Variants in THNSL1 observed in about 807,000 individuals in gnomAD.
THNSL1 encodes the protein threonine synthase-like 1.
THNSL1 carries 48 observed loss-of-function variants against 50.4 expected under a neutral mutation model. The observed-to-expected ratio is 0.95, with a 90% CI of 0.76 to 1.21. The LOEUF is 1.21. Among genes scored for constraint, THNSL1 ranks in the 50% most tolerant of loss-of-function variants. THNSL1 has a pLI of 0.00. For missense variants in THNSL1, 896 were observed against 871.7 expected (o/e 1.03, Z -0.35); for synonymous variants, 309 against 306.1 (o/e 1.01, Z -0.10).
At chr10:24,972,537 T>C in the THNSL1 span, among the ~76,000 whole-genome samples, 2 of 151,374 alleles carry the variant, frequency 1.3e-5, no homozygotes, top group Non-Finnish European at 2.9e-5. Flanking sequence ...ATAATAATAA[T>C]AATTGCACTA....
Position 25,025,056 on chromosome 10 carries a change from G to T in THNSL1, c.1833G>T (p.Gln611His). 2 of 1,614,192 alleles carry T rather than the reference G, an allele frequency of 1.2e-6. No individual in the cohort carries two copies. The highest frequency in any genetic ancestry group is 1.7e-6 in the Non-Finnish European group (2 of 1,180,034). ...AAAAGGCTCTAGTTGAGAAACTTCAGCAGGATTTTGTAGCTGACTGGTGCT... is the reference window on the plus strand; with the variant it reads ...AAAAGGCTCTAGTTGAGAAACTTCATCAGGATTTTGTAGCTGACTGGTGCT... ...QIEKALVEKLQQDFVADWCSE... is the reference protein window; with the variant it reads ...QIEKALVEKLHQDFVADWCSE... Residue 611 changes from glutamine (Q) to histidine (H), a missense_variant, in exon 3 of 3, where the codon CAG (glutamine) becomes CAT (histidine). Physicochemically the swap from Gln to His is conservative, Grantham distance 24 (BLOSUM62 0). Coordinates refer to ENST00000376356, the MANE Select transcript of THNSL1 (RefSeq NM_024838.5).
chr10:24,967,740 T>C, the THNSL1 span, among the ~76,000 whole-genome samples: 1,381 of 151,762 alleles, frequency 9.1e-3, 3 homozygotes, highest in Non-Finnish European at 0.015. Flanking sequence ...GTATGATGTG[T>C]GTATGTATGA....
upstream of THNSL1, chr10:25,016,217 T>C (rs1398927376): frequency 1.4e-5 from 16 of 1,124,708 alleles, no homozygotes; most frequent in Non-Finnish European, 1.7e-5. Context: ...CACCGCAAAC[T>C]AGGTCTCCCC....
chr10:24,978,932 C>T, the THNSL1 span, among the ~76,000 whole-genome samples: 1 of 152,158 alleles, frequency 6.6e-6, no homozygotes, highest in Non-Finnish European at 1.5e-5. Context: ...CCAAAAGTTA[C>T]ATAACTTGCT....
chr10:24,952,502 C>T, the THNSL1 span: 1 of 1,574,210 alleles, frequency 6.4e-7, no homozygotes, highest in Non-Finnish European at 8.6e-7. This position sits in a 1 kb window ranked among gnomAD's most constrained non-coding sequence, Gnocchi z 5.1. Flanking sequence ...GCGGGCCGAG[C>T]CCCAAAATAG....
the THNSL1 span, among the ~76,000 whole-genome samples, chr10:24,977,560 A>G: frequency 6.6e-6 from 1 of 152,212 alleles, no homozygotes; most frequent in Admixed American, 6.5e-5. Flanking sequence ...GTACTGGTGA[A>G]GTTTATTATA....
chr10:24,992,898 TGAAG>T, the THNSL1 span, among the ~76,000 whole-genome samples: 1 of 152,206 alleles, frequency 6.6e-6, no homozygotes, highest in Non-Finnish European at 1.5e-5. Context: ...CAGGAAACAC[TGAAG>T]GAAACACCTC....
At chr10:24,994,395 G>A in the THNSL1 span, among the ~76,000 whole-genome samples, 3 of 148,530 alleles carry the variant, frequency 2.0e-5, no homozygotes, top group Admixed American at 1.3e-4. Context: ...GTGCAGTGAC[G>A]CGACCTTGGC....
chr10:24,994,444 G>A, the THNSL1 span, among the ~76,000 whole-genome samples: 8 of 150,420 alleles, frequency 5.3e-5, no homozygotes, highest in Non-Finnish European at 1.0e-4. Context: ...AGCGATTCTC[G>A]TGCCTTAGCC....
chr10:24,973,571 C>T, the THNSL1 span, among the ~76,000 whole-genome samples: 12 of 151,894 alleles, frequency 7.9e-5, no homozygotes, highest in Non-Finnish European at 1.5e-4. Context: ...ACTACTGTAC[C>T]ACTGTACCTT....
Position 25,024,061 on chromosome 10 carries a change from TG to T in THNSL1, c.840del (p.Trp280Ter). ...GTTTCCAAAATTAAGCTGCGGGGAG[TG>T]GAAAAGCCTAGTAGGAGCAACCTAC... ...KEFPKLSCGE[W>X]KSLVGATYVE... On this transcript the variant is annotated frameshift_variant, in exon 3 of 3. Coordinates refer to ENST00000376356, the MANE Select transcript of THNSL1 (RefSeq NM_024838.5). LOFTEE classifies it high-confidence loss of function. 1 of 1,613,932 alleles carries T rather than the reference TG, an allele frequency of 6.2e-7. No individual in the cohort carries two copies. Among genetic ancestry groups the T allele is most frequent in the Non-Finnish European group, 8.5e-7 (1 of 1,179,978 alleles).
intron 1 of THNSL1, among the ~76,000 whole-genome samples, chr10:25,020,246 A>ATATCTATATCTATATCTG: frequency 7.4e-6 from 1 of 134,706 alleles, no homozygotes; most frequent in African/African-American, 2.5e-5. Flanking sequence ...AAATATATCT[A>ATATCTATATCTATATCTG]TATCTATATC....
chr10:25,024,947 A>G lies in THNSL1; in HGVS notation c.1724A>G (p.His575Arg), dbSNP rs565199033. The change falls in exon 3 of 3, where the codon CAT (histidine) becomes CGT (arginine). Residue 575 changes from histidine (H) to arginine (R), a missense_variant. By Grantham distance (29) the His-to-Arg change is conservative (BLOSUM62 0). Coordinates refer to ENST00000376356, the MANE Select transcript of THNSL1 (RefSeq NM_024838.5). ...CTCAAATCTTCAAACCTAGAACGAC[A>G]TTTACACTTGATGGCTAATAAAGAT... The part of the protein sequence containing the change: ...DILKSSNLER[H>R]LHLMANKDGQ... 50 of 1,614,120 alleles carry G rather than the reference A, an allele frequency of 3.1e-5. No homozygotes were observed. The highest frequency in any genetic ancestry group is 1.6e-4 in the Middle Eastern group (1 of 6,062).
At position 25,024,943 on chromosome 10, in the gene THNSL1, C is replaced by A. The variant is rs781236924; in HGVS notation, c.1720C>A (p.Arg574=). The change falls in exon 3 of 3, where the codon CGA becomes AGA. Residue 574 remains arginine, a synonymous_variant. Transcript: ENST00000376356. ...TATTCTCAAATCTTCAAACCTAGAACGACATTTACACTTGATGGCTAATAA... is the reference window on the plus strand; with the variant it reads ...TATTCTCAAATCTTCAAACCTAGAAAGACATTTACACTTGATGGCTAATAA... The part of the protein sequence containing the change: ...IDILKSSNLE[R]HLHLMANKDG... 2 of 1,613,860 alleles carry A rather than the reference C, an allele frequency of 1.2e-6. No individual in the cohort carries two copies. The highest frequency in any genetic ancestry group is 2.2e-5 in the East Asian group (1 of 44,894).
chr10:24,994,940 C>T, the THNSL1 span, among the ~76,000 whole-genome samples: 6 of 152,028 alleles, frequency 3.9e-5, no homozygotes, highest in South Asian at 8.3e-4. Flanking sequence ...GAGAATCACT[C>T]GAGCCGGAAG....
the THNSL1 span, among the ~76,000 whole-genome samples, chr10:24,992,935 G>C: frequency 6.6e-6 from 1 of 152,092 alleles, no homozygotes; most frequent in Non-Finnish European, 1.5e-5. Context: ...TACAATAATG[G>C]AGCTTCATCA....
At chr10:24,977,471 A>C in the THNSL1 span, among the ~76,000 whole-genome samples, 1 of 152,236 alleles carries the variant, frequency 6.6e-6, no homozygotes, top group African/African-American at 2.4e-5. Context: ...ACAATCAACA[A>C]GTGCAATTTT....
At chr10:24,985,454 T>C in the THNSL1 span, among the ~76,000 whole-genome samples, 1 of 152,194 alleles carries the variant, frequency 6.6e-6, no homozygotes, top group Non-Finnish European at 1.5e-5. Context: ...CCTTTCAATA[T>C]ATTAGAAAGA....
chr10:24,960,358 G>A, the THNSL1 span, among the ~76,000 whole-genome samples: 1 of 152,210 alleles, frequency 6.6e-6, no homozygotes, highest in Admixed American at 6.5e-5. Context: ...CTCACATTAA[G>A]AGTCCTATGG....
Sources: gnomAD v4.1 joint callset for allele counts (sites outside exome capture counted in the v4.1 genomes callset) on GRCh38, gnomAD v4.1.1 for gene constraint, Gnocchi (gnomAD v3.1) non-coding constraint, MANE v1.5 for transcripts, NCBI Gene and HGNC (gene_info 2026-07-23, HGNC 2026-07-21) for gene names.